The following PI15 variants were observed in gnomAD, a reference collection of about 807,000 sequenced individuals.
The protein encoded by PI15 is 25 kDa trypsin inhibitor.
A neutral mutation model predicts 31.0 loss-of-function variants in PI15; 18 were observed. The ratio of observed to expected loss-of-function variants is 0.58; its 90% CI spans 0.40 to 0.86. The LOEUF (loss-of-function observed/expected upper bound fraction) is 0.86. Among genes scored for constraint, PI15 ranks in the 40% least tolerant of loss-of-function variants. The pLI is 0.00. For missense variants in PI15, 282 were observed against 328.1 expected (o/e 0.86, Z 1.09); for synonymous variants, 118 against 119.1 (o/e 0.99, Z 0.06).
chr8:74,846,562 G>A (rs1475513498), intron 5 of PI15, among the ~76,000 whole-genome samples: 1 of 152,040 alleles, frequency 6.6e-6, no homozygotes, highest in African/African-American at 2.4e-5. Context: ...TTGGCCCATA[G>A]TTATAATTTT....
At chr8:74,843,960 G>A in intron 2 of PI15, 21 bp from the exon 3 acceptor site, 1 of 1,132,418 alleles carries the variant, frequency 8.8e-7, no homozygotes, top group Non-Finnish European at 1.4e-6. Flanking sequence ...CCGTAACGCT[G>A]AAGATTTTTT....
Position 74,854,685 on chromosome 8 carries a change from T to C in PI15, c.*5432T>C, listed in dbSNP as rs886272894. 6.6e-6 allele frequency: 1 copy of C among 152,160 alleles called. No individual in the cohort carries two copies. The highest frequency in any genetic ancestry group is 1.5e-5 in the Non-Finnish European group (1 of 68,006). The allele number at this position is 152,160 out of a possible 1,614,324, so 9.4% of individuals were successfully genotyped here. A position where few individuals can be genotyped will look rare whatever the true frequency, so the allele number is the denominator to read the frequency against. ...CATATTACAGCATCTTGTGTTTTATTTGACAAACAGAATTTTGGTGCCATA... is the reference window on the plus strand; with the variant it reads ...CATATTACAGCATCTTGTGTTTTATCTGACAAACAGAATTTTGGTGCCATA... On this transcript the variant is annotated 3_prime_UTR_variant, in exon 6 of 6. Coordinates refer to ENST00000260113, the MANE Select transcript of PI15 (RefSeq NM_015886.5).
At position 74,844,048 on chromosome 8, in the gene PI15, C is replaced by T; in HGVS notation, c.341C>T (p.Pro114Leu). Reference protein sequence around the residue: ...WAATCIWDHGPSYLLRFLGQN... With the variant: ...WAATCIWDHGLSYLLRFLGQN... ...GCTACTTGCATTTGGGACCATGGACCTTCTTACTTACTGAGATTTTTGGGC... is the reference window on the plus strand; with the variant it reads ...GCTACTTGCATTTGGGACCATGGACTTTCTTACTTACTGAGATTTTTGGGC... Residue 114 changes from proline to leucine, a missense_variant, in exon 3 of 6, where the codon CCT (proline) becomes CTT (leucine). Transcript: ENST00000260113. The T allele has an allele frequency of 2.5e-6, 4 of 1,607,970 alleles. No homozygotes were observed. Among genetic ancestry groups the T allele is most frequent in the East Asian group, 2.2e-5 (1 of 44,826 alleles).
chr8:74,848,108 C>T (rs569741807), intron 5 of PI15, among the ~76,000 whole-genome samples: 37 of 152,092 alleles, frequency 2.4e-4, no homozygotes, highest in African/African-American at 8.7e-4. Context: ...ATGATAATGG[C>T]CATCAACACA....
intron 2 of PI15, among the ~76,000 whole-genome samples, chr8:74,843,139 A>G (rs1269588197): frequency 6.6e-6 from 1 of 152,212 alleles, no homozygotes; most frequent in African/African-American, 2.4e-5. Flanking sequence ...GTTTCTTAAA[A>G]TATATTAATA....
intron 2 of PI15, among the ~76,000 whole-genome samples, chr8:74,840,246 A>T (rs1367677930): frequency 6.6e-6 from 1 of 152,182 alleles, no homozygotes; most frequent in Non-Finnish European, 1.5e-5. Context: ...ACATTTGAAT[A>T]ACTCTCTTCC....
intron 2 of PI15, among the ~76,000 whole-genome samples, chr8:74,841,826 GT>G (rs1285484584): frequency 2.0e-5 from 3 of 152,220 alleles, no homozygotes; most frequent in South Asian, 4.2e-4. Flanking sequence ...GTTTTTTAAA[GT>G]TCATTTCATC....
chr8:74,829,064 G>T (rs1411791285), intron 2 of PI15, among the ~76,000 whole-genome samples: 1 of 151,974 alleles, frequency 6.6e-6, no homozygotes, highest in Non-Finnish European at 1.5e-5. Flanking sequence ...AGCTTTCTGG[G>T]TGCTGTGTCT....
chr8:74,827,094 T>C (rs1443654848), intron 2 of PI15, among the ~76,000 whole-genome samples: 2 of 152,058 alleles, frequency 1.3e-5, no homozygotes, highest in Non-Finnish European at 2.9e-5. Context: ...TTTAGAGAAT[T>C]TGTAGCAATC....
intron 2 of PI15, among the ~76,000 whole-genome samples, chr8:74,825,880 C>A (rs28632146): frequency 0.023 from 3,573 of 152,142 alleles, 159 homozygotes; most frequent in African/African-American, 0.082. Flanking sequence ...GTCACATGAA[C>A]TTTTTCTGTG....
intron 3 of PI15, 94 bp from the exon 4 acceptor site, chr8:74,845,034 A>G (rs1271080346): frequency 1.9e-6 from 2 of 1,070,270 alleles, no homozygotes; most frequent in East Asian, 2.4e-5. Context: ...ATCATGAATA[A>G]TCTGCAAAAA....
intron 2 of PI15, among the ~76,000 whole-genome samples, chr8:74,835,911 G>A (rs1020730244): frequency 1.3e-5 from 2 of 152,096 alleles, no homozygotes; most frequent in Non-Finnish European, 2.9e-5. Context: ...TATTAAGGCT[G>A]TATTGAGCAC....
rs755969765 is a variant in PI15, at chr8:74,825,465, T to A, written c.216T>A (p.Asp72Glu). Residue 72 changes from aspartate to glutamate, a missense_variant, in exon 2 of 6, where the codon GAT (aspartate) becomes GAA (glutamate). Transcript: ENST00000260113. ...ISQNDMIAIL[D>E]YHNQVRGKVF... is the part of the protein sequence containing the mutation. ...AGAATGACATGATCGCCATTCTTGA[T>A]TATCATAATCAAGTTCGGGGCAAAG... The A allele has an allele frequency of 6.2e-7, 1 of 1,613,030 alleles. No homozygotes were observed. Among genetic ancestry groups the A allele is most frequent in the Non-Finnish European group, 8.5e-7 (1 of 1,179,326 alleles).
chr8:74,825,616 T>A (rs755027266), intron 2 of PI15, 94 bp downstream of exon 2: 1 of 998,652 alleles, frequency 1.0e-6, no homozygotes, highest in Non-Finnish European at 1.5e-6. Flanking sequence ...AGTGTTTATA[T>A]GTCCGGGTAT....
At chr8:74,840,883 G>A (rs1810935470) in intron 2 of PI15, among the ~76,000 whole-genome samples, 1 of 152,056 alleles carries the variant, frequency 6.6e-6, no homozygotes, top group Non-Finnish European at 1.5e-5. Flanking sequence ...TATAATATTT[G>A]TGCATAGAAA....
At position 74,852,661 on chromosome 8, in the gene PI15, A is replaced by T. The variant is rs943466815; in HGVS notation, c.*3408A>T. The T allele has an allele frequency of 2.6e-5, 4 of 152,162 alleles. No individual in the cohort carries two copies. Among genetic ancestry groups the T allele is most frequent in the Non-Finnish European group, 5.9e-5 (4 of 67,980 alleles). 9.4% of individuals were successfully genotyped at this position (152,162 alleles called of 1,614,324 possible). On this transcript the variant is annotated 3_prime_UTR_variant, in exon 6 of 6. Transcript: ENST00000260113. ...TTACACAGAATATTTGAATTGAAACAATAGAAATTTTTCTCATAATATATA... is the reference window on the plus strand; with the variant it reads ...TTACACAGAATATTTGAATTGAAACTATAGAAATTTTTCTCATAATATATA...
intron 5 of PI15, among the ~76,000 whole-genome samples, chr8:74,848,298 A>G (rs1158613298): frequency 6.6e-6 from 1 of 152,190 alleles, no homozygotes; most frequent in Non-Finnish European, 1.5e-5. Context: ...ATAATGGTAT[A>G]TTGGTTTATA....
In PI15 at chr8:74,844,014, G is replaced by T. The variant is rs748181736; in HGVS notation, c.307G>T (p.Ala103Ser). 2.2e-5 allele frequency: 35 copies of T among 1,608,138 alleles called. No individual in the cohort carries two copies. The highest frequency in any genetic ancestry group is 2.9e-5 in the Non-Finnish European group (34 of 1,174,698). ...TGAAAATCTTGCAAAATCGGCAGAG[G>T]CTTGGGCGGCTACTTGCATTTGGGA... is the stretch of plus-strand genomic sequence containing the variant. ...WDENLAKSAE[A>S]WAATCIWDHG... is the part of the protein sequence containing the mutation. Residue 103 changes from alanine to serine, a missense_variant, in exon 3 of 6, where the codon GCT (alanine) becomes TCT (serine). Ala to Ser is a moderately conservative substitution (Grantham distance 99, BLOSUM62 1). Coordinates refer to ENST00000260113, the MANE Select transcript of PI15 (RefSeq NM_015886.5).
Position 74,854,494 on chromosome 8 carries a change from G to A in PI15, c.*5241G>A, listed in dbSNP as rs1320826498. ...ACACAGAGCAACATTAATCTAAATG[G>A]TTTAGCTCCCTCTTTTTTCTCTAAA... On this transcript the variant is annotated 3_prime_UTR_variant, in exon 6 of 6. Coordinates refer to ENST00000260113, the MANE Select transcript of PI15 (RefSeq NM_015886.5). 5 of 151,834 alleles carry A rather than the reference G, an allele frequency of 3.3e-5. No individual in the cohort carries two copies. The East Asian group carries it at 5.8e-4, about 18-fold the overall frequency. 9.4% of individuals were successfully genotyped at this position (151,834 alleles called of 1,614,324 possible).
Sources: gnomAD v4.1 joint callset for allele counts (sites outside exome capture counted in the v4.1 genomes callset) on GRCh38, gnomAD v4.1.1 for gene constraint, MANE v1.5 for transcripts, NCBI Gene and HGNC (gene_info 2026-07-23, HGNC 2026-07-21) for gene names.